MTCL1: variants seen among roughly 807,000 people sequenced by gnomAD.
The protein encoded by MTCL1 is microtubule crosslinking factor 1.
A neutral mutation model predicts 141.4 loss-of-function variants in MTCL1; 79 were observed. The ratio of observed to expected loss-of-function variants is 0.56; its 90% CI spans 0.47 to 0.67. The LOEUF is 0.67. Ranked by LOEUF, MTCL1 falls within the 30% of genes least tolerant of loss-of-function variation. MTCL1 has a pLI of 0.00. For missense variants in MTCL1, 2,177 were observed against 2,113.9 expected, an observed-to-expected ratio of 1.03 and a Z score of -0.59; for synonymous variants, 914 against 875.8, an observed-to-expected ratio of 1.04 and a Z score of -0.77.
At chr18:8,825,188 C>G in exon 15 of MTCL1, 1 of 1,582,302 alleles carries the variant, frequency 6.3e-7, no homozygotes, top group Non-Finnish European at 8.6e-7. Context: ...CGGGAGACAC[C>G]AAGGGAGGCC....
At position 8,828,567 on chromosome 18, in the gene MTCL1, T is replaced by G. The variant is rs2077097691; in HGVS notation, c.4723-341T>G. Among the ~76,000 whole-genome samples the G allele has an allele frequency of 6.6e-6, 1 of 152,214 alleles. No homozygotes were observed. On this transcript the variant is annotated intron_variant, in intron 15 of 16. Transcript: ENST00000359865. This position sits in a 1 kb window ranked among gnomAD's most constrained non-coding sequence, Gnocchi z 5.2. ...GTCATGCAATTTCCATATCTCTGTT[T>G]GCCAAAGTGCTGTTTGAAATGTTAA...
Position 8,733,114 on chromosome 18 carries a change from G to A in MTCL1, c.357+12618G>A, listed in dbSNP as rs12961444. Among the ~76,000 whole-genome samples the A allele has an allele frequency of 2.4e-3, 367 of 152,162 alleles. 1 individual carries two copies. Among genetic ancestry groups the A allele is most frequent in the Middle Eastern group, 6.8e-3 (2 of 292 alleles). On this transcript the variant is annotated intron_variant, in intron 4 of 16. Transcript: ENST00000359865. ...ACACGTGGCTCATCTCTCCTGGCAGGGGGGAGGAAGGTGAGAGCTGAGGAC... is the reference window on the plus strand; with the variant it reads ...ACACGTGGCTCATCTCTCCTGGCAGAGGGGAGGAAGGTGAGAGCTGAGGAC...
chr18:8,745,333 T>G (rs942543898), intron 4 of MTCL1, among the ~76,000 whole-genome samples: 5 of 152,206 alleles, frequency 3.3e-5, no homozygotes, highest in African/African-American at 1.2e-4. Flanking sequence ...TGTGTACCCC[T>G]CGGATGTATA....
At chr18:8,731,788 A>C (rs1263626574) in intron 4 of MTCL1, among the ~76,000 whole-genome samples, 1 of 151,608 alleles carries the variant, frequency 6.6e-6, no homozygotes, top group Non-Finnish European at 1.5e-5. Flanking sequence ...AGCTCACTGC[A>C]ACCTCTGCCT....
chr18:8,720,627 G>A, intron 4 of MTCL1, 131 bp downstream of exon 3: 2 of 841,542 alleles, frequency 2.4e-6, no homozygotes, highest in Non-Finnish European at 3.6e-6. Context: ...TGGCTCATAA[G>A]TTAGATTGTT....
At chr18:8,798,426 G>A (rs1286320518) in intron 10 of MTCL1, 135 bp downstream of exon 9, 2 of 683,752 alleles carry the variant, frequency 2.9e-6, no homozygotes. Flanking sequence ...GCGGTCACCT[G>A]TTGTCATTTG....
At chr18:8,803,468 A>G (rs2076190587) in intron 10 of MTCL1, among the ~76,000 whole-genome samples, 2 of 152,148 alleles carry the variant, frequency 1.3e-5, no homozygotes, top group African/African-American at 4.8e-5. Context: ...TATCATTACT[A>G]TTTTTTTGCC....
At chr18:8,713,373 A>AT (rs2096106416), upstream of MTCL1, among the ~76,000 whole-genome samples, 5 of 152,182 alleles carry the variant, frequency 3.3e-5, no homozygotes, top group South Asian at 1.0e-3. Context: ...GACAACAGCG[A>AT]TTTTCCAATT....
At chr18:8,715,814 T>C (rs1372102731), upstream of MTCL1, among the ~76,000 whole-genome samples, 2 of 152,190 alleles carry the variant, frequency 1.3e-5, no homozygotes, top group East Asian at 3.9e-4. Context: ...ACAGCTCCCA[T>C]AGGGCGTCTT....
Position 8,705,733 on chromosome 18 carries a change from C to T in MTCL1, c.73C>T (p.Arg25Cys). Reference sequence around the variant, plus strand: ...GCTGCAGCCGCCCGGCCAGCACCACCGCCACCACCACCTCCACCCGGTGGC... The same window carrying T: ...GCTGCAGCCGCCCGGCCAGCACCACTGCCACCACCACCTCCACCCGGTGGC... The change falls in exon 1 of 14, where the codon CGC (arginine) becomes TGC (cysteine). Residue 25 changes from arginine to cysteine, a missense_variant. Physicochemically the swap from Arg to Cys is radical, Grantham distance 180. Coordinates refer to the MTCL1 transcript ENST00000306329. This position sits in a 1 kb window ranked among gnomAD's most constrained non-coding sequence, Gnocchi z 5.2. 2 of 1,205,606 alleles carry T rather than the reference C, an allele frequency of 1.7e-6. No individual in the cohort carries two copies. The highest frequency in any genetic ancestry group is 8.9e-5 in the Admixed American group (2 of 22,584). The allele number at this position is 1,205,606 out of a possible 1,614,324, so 74.7% of individuals were successfully genotyped here. A position where few individuals can be genotyped will look rare whatever the true frequency, so the allele number is the denominator to read the frequency against.
chr18:8,716,294 C>T (rs2096127717), upstream of MTCL1, among the ~76,000 whole-genome samples: 1 of 152,154 alleles, frequency 6.6e-6, no homozygotes, highest in Non-Finnish European at 1.5e-5. Context: ...AAACAGGCTC[C>T]AGATGAGTCC....
chr18:8,822,277 G>GGGTTGGTT lies in MTCL1; in HGVS notation c.3188+801_3188+808dup, dbSNP rs368659793. ...CTCAGGCTCTAGAGCCAAACTGCCT[G>GGGTTGGTT]GGTTGGTTGGTTGGTTGGTTGGTTG... On this transcript the variant is annotated intron_variant, in intron 14 of 16. Coordinates refer to ENST00000359865, the Ensembl canonical transcript of MTCL1. The surrounding 1 kb of genome is among the most constrained non-coding windows in gnomAD (Gnocchi z 4.6). Among the ~76,000 whole-genome samples, 38 of 152,072 alleles carry GGGTTGGTT rather than the reference G, an allele frequency of 2.5e-4. No homozygotes were observed. The highest frequency in any genetic ancestry group is 7.0e-4 in the African/African-American group (29 of 41,430).
In MTCL1 at chr18:8,720,509, T is replaced by C. The variant is rs1383356032; in HGVS notation, c.357+13T>C. The C allele has an allele frequency of 3.7e-6, 6 of 1,612,272 alleles. No individual in the cohort carries two copies. In the South Asian group the frequency reaches 4.4e-5, roughly 12 times the overall value. On this transcript the variant is annotated intron_variant, in intron 4 of 16. Coordinates refer to ENST00000359865, the Ensembl canonical transcript of MTCL1. ...GAGACTGAAAGAGGTAATCCAAAACTGTGGGGGTCCTGCCCCCTTGGATTT... is the reference window on the plus strand; with the variant it reads ...GAGACTGAAAGAGGTAATCCAAAACCGTGGGGGTCCTGCCCCCTTGGATTT...
intron 12 of MTCL1, among the ~76,000 whole-genome samples, chr18:8,815,876 C>T (rs1190211143): frequency 6.6e-6 from 1 of 152,152 alleles, no homozygotes; most frequent in East Asian, 1.9e-4. Context: ...TTCATGAAAT[C>T]TGTGTGATGG....
intron 11 of MTCL1, 145 bp from the exon 11 acceptor site, chr18:8,812,833 TA>T: frequency 9.5e-7 from 1 of 1,054,396 alleles, no homozygotes; most frequent in Non-Finnish European, 1.4e-6. Context: ...ATTAGGACTT[TA>T]AAAATAAAAT....
intron 11 of MTCL1, among the ~76,000 whole-genome samples, chr18:8,811,738 A>G (rs925500913): frequency 2.6e-5 from 4 of 152,182 alleles, no homozygotes; most frequent in African/African-American, 9.7e-5. Flanking sequence ...ATAAACTGGG[A>G]ATAAGGATAC....
At chr18:8,706,433 G>A in exon 1 of MTCL1, 1 of 1,227,224 alleles carries the variant, frequency 8.1e-7, no homozygotes, top group Non-Finnish European at 1.0e-6. Flanking sequence ...GCAGCCCGAG[G>A]AGCGCCGCCG....
rs1262579805 is a variant in MTCL1 at position 8,705,923 on chromosome 18, C to T, written c.263C>T (p.Pro88Leu). Residue 88 changes from proline to leucine, a missense_variant, in exon 1 of 14, where the codon CCG becomes CTG. Transcript: ENST00000306329. The surrounding 1 kb of genome is among the most constrained non-coding windows in gnomAD (Gnocchi z 5.2). ...CTCGCGGGCAAAGCGCCGCCCTCGC[C>T]GGGGTCCCTGGCCGCGCCCGGCCGC... The T allele has an allele frequency of 1.8e-6, 2 of 1,087,126 alleles. No individual in the cohort carries two copies. Among genetic ancestry groups the T allele is most frequent in the Admixed American group, 5.2e-5 (1 of 19,110 alleles). The allele number at this position is 1,087,126 out of a possible 1,614,324, so 67.3% of individuals were successfully genotyped here. A position where few individuals can be genotyped will look rare whatever the true frequency, so the allele number is the denominator to read the frequency against.
intron 13 of MTCL1, among the ~76,000 whole-genome samples, chr18:8,821,172 GA>G (rs2076833344): frequency 6.6e-6 from 1 of 152,162 alleles, no homozygotes; most frequent in Non-Finnish European, 1.5e-5. Flanking sequence ...GTCCTTTGAG[GA>G]AGCACAGAAG....
Sources: allele counts gnomAD v4.1 joint callset (sites outside exome capture counted in the v4.1 genomes callset), GRCh38; gene constraint gnomAD v4.1.1; non-coding constraint Gnocchi (gnomAD v3.1); transcripts MANE v1.5; gene names NCBI Gene and HGNC (gene_info 2026-07-23, HGNC 2026-07-21).